The following RAP1B variants were observed in gnomAD, a reference collection of about 807,000 sequenced individuals.
The protein encoded by RAP1B is RAP1B, member of RAS oncogene family.
A neutral mutation model predicts 27.5 loss-of-function variants in RAP1B; 1 was observed. The ratio of observed to expected loss-of-function variants is 0.04; its 90% confidence interval spans 0.01 to 0.17. The LOEUF is 0.17. Among genes scored for constraint, RAP1B ranks in the 10% least tolerant of loss-of-function variants. The pLI is 1.00. For synonymous variants in RAP1B, 75 were observed against 73.1 expected (o/e 1.03, Z -0.13); for missense variants, 84 against 214.8 (o/e 0.39, Z 3.81).
At chr12:68,657,336 A>G (rs2135971105) in intron 7 of RAP1B, 119 bp downstream of exon 7, 2 of 626,840 alleles carry the variant, frequency 3.2e-6, no homozygotes, top group South Asian at 2.2e-5. Flanking sequence ...GTTTATTTTT[A>G]TAAGATATCC....
At position 68,650,469 on chromosome 12, in the gene RAP1B, G is replaced by T. The variant is rs1873735416; in HGVS notation, c.126+1G>T. 6.6e-7 allele frequency: 1 copy of T among 1,514,834 alleles called. No individual in the cohort carries two copies. Among genetic ancestry groups the T allele is most frequent in the African/African-American group, 1.4e-5 (1 of 70,066 alleles). The allele number at this position is 1,514,834 out of a possible 1,614,324, so 93.8% of individuals were successfully genotyped here. A position where few individuals can be genotyped will look rare whatever the true frequency, so the allele number is the denominator to read the frequency against. On this transcript the variant is annotated splice_donor_variant, in intron 3 of 7. Transcript: ENST00000250559. LOFTEE classifies it high-confidence loss of function. ...TACGATAGAAGATTCTTATAGAAAG[G>T]TATATATTACTTTGGAAGGCCTTTT...
At chr12:68,646,721 A>G (rs1230321579) in intron 1 of RAP1B, among the ~76,000 whole-genome samples, 2 of 152,262 alleles carry the variant, frequency 1.3e-5, no homozygotes, top group African/African-American at 2.4e-5. Context: ...TGGAGCAGCA[A>G]TAATGAACAG....
chr12:68,613,135 G>T (rs181677969), intron 1 of RAP1B, among the ~76,000 whole-genome samples: 22 of 152,156 alleles, frequency 1.4e-4, no homozygotes, highest in Admixed American at 5.9e-4. Flanking sequence ...CGAGGAAGGC[G>T]GATCATTTGA....
intron 1 of RAP1B, among the ~76,000 whole-genome samples, chr12:68,630,539 T>C (rs1872159339): frequency 6.6e-6 from 1 of 152,212 alleles, no homozygotes. Context: ...GTGTCTTCCA[T>C]ATTCCAGGCA....
chr12:68,651,579 C>T (rs574243300), intron 3 of RAP1B: 4 of 165,938 alleles, frequency 2.4e-5, no homozygotes, highest in Non-Finnish European at 4.0e-5. Context: ...ATGGTGAGGG[C>T]ATATAGTTAC....
rs1476503431 is a variant in RAP1B, at chr12:68,664,110, T to C, written c.*4861T>C. ...CCACATAAATGAGACAATCCAAATTTAGTATTTGGGTCAAAATGCAGGGTT... is the reference window on the plus strand; with the variant it reads ...CCACATAAATGAGACAATCCAAATTCAGTATTTGGGTCAAAATGCAGGGTT... On this transcript the variant is annotated 3_prime_UTR_variant, in exon 8 of 8. Coordinates refer to ENST00000250559, the MANE Select transcript of RAP1B (RefSeq NM_001010942.3). The C allele has an allele frequency of 6.6e-6, 1 of 152,184 alleles. No homozygotes were observed. Among genetic ancestry groups the C allele is most frequent in the East Asian group, 1.9e-4 (1 of 5,202 alleles). The allele number at this position is 152,184 out of a possible 1,614,324, so 9.4% of individuals were successfully genotyped here. A position where few individuals can be genotyped will look rare whatever the true frequency, so the allele number is the denominator to read the frequency against.
intron 5 of RAP1B, among the ~76,000 whole-genome samples, chr12:68,654,599 T>C (rs1204106243): frequency 6.6e-6 from 1 of 151,534 alleles, no homozygotes; most frequent in Non-Finnish European, 1.5e-5. Flanking sequence ...TGCCTCAGCC[T>C]CCCGGGTAGC....
chr12:68,639,751 A>G (rs1184392690), intron 1 of RAP1B, among the ~76,000 whole-genome samples: 1 of 152,192 alleles, frequency 6.6e-6, no homozygotes, highest in Non-Finnish European at 1.5e-5. Flanking sequence ...AATCCCATTT[A>G]TGCCCCTTTT....
intron 4 of RAP1B, among the ~76,000 whole-genome samples, chr12:68,653,559 G>A (rs1873971967): frequency 6.6e-6 from 1 of 151,994 alleles, no homozygotes; most frequent in South Asian, 2.1e-4. Context: ...GTAACTTTTG[G>A]GGACAGGATA....
chr12:68,655,076 C>A (rs1014865881), intron 5 of RAP1B, among the ~76,000 whole-genome samples: 1 of 151,966 alleles, frequency 6.6e-6, no homozygotes, highest in African/African-American at 2.4e-5. Context: ...TTTGGGAGGC[C>A]AAGGCGGGTA....
rs569287485 is a variant in RAP1B, at chr12:68,660,623, G to A, written c.*1374G>A. The A allele has an allele frequency of 6.6e-6, 1 of 152,554 alleles. No individual in the cohort carries two copies. Among genetic ancestry groups the A allele is most frequent in the Admixed American group, 6.5e-5 (1 of 15,282 alleles). The allele number at this position is 152,554 out of a possible 1,614,324, so 9.5% of individuals were successfully genotyped here. On this transcript the variant is annotated 3_prime_UTR_variant, in exon 8 of 8. Coordinates refer to ENST00000250559, the MANE Select transcript of RAP1B (RefSeq NM_001010942.3). ...AATTGTAATAGGTGCATTTTACACA[G>A]CATGGTTTCATAATTTAACATCTGG... is the stretch of plus-strand genomic sequence containing the variant.
At position 68,663,909 on chromosome 12, in the gene RAP1B, A is replaced by G. The variant is rs1251696002; in HGVS notation, c.*4660A>G. On this transcript the variant is annotated 3_prime_UTR_variant, in exon 8 of 8. Transcript: ENST00000250559. ...TGTTAAACTTTCTAAGAGCTTTCCA[A>G]CTTTCTAAGAGAAAATTGTAATGAT... The G allele has an allele frequency of 1.3e-5, 2 of 152,310 alleles. No individual in the cohort carries two copies. Among genetic ancestry groups the G allele is most frequent in the East Asian group, 1.9e-4 (1 of 5,188 alleles). The allele number at this position is 152,310 out of a possible 1,614,324, so 9.4% of individuals were successfully genotyped here.
At chr12:68,631,183 C>T (rs967557350) in intron 1 of RAP1B, among the ~76,000 whole-genome samples, 2 of 152,146 alleles carry the variant, frequency 1.3e-5, no homozygotes, top group Non-Finnish European at 2.9e-5. Context: ...GATACCTACC[C>T]TGGCTGCACA....
chr12:68,616,859 C>T (rs1370910618), intron 1 of RAP1B, among the ~76,000 whole-genome samples: 2 of 152,196 alleles, frequency 1.3e-5, no homozygotes, highest in Non-Finnish European at 2.9e-5. Context: ...GCCACTGTGC[C>T]TGGCCCAGCA....
intron 1 of RAP1B, among the ~76,000 whole-genome samples, chr12:68,628,802 C>G (rs1270106025): frequency 6.6e-6 from 1 of 152,172 alleles, no homozygotes; most frequent in African/African-American, 2.4e-5. Flanking sequence ...TACAGTTACA[C>G]TAACCACATT....
At chr12:68,626,724 G>A (rs907840957) in intron 1 of RAP1B, 9 of 680,970 alleles carry the variant, frequency 1.3e-5, no homozygotes, top group East Asian at 3.6e-5. Flanking sequence ...TTCTGGTCTC[G>A]GGTAAAGGTC....
rs562694704 is a variant in RAP1B, at chr12:68,627,235, A to T, written c.-27+16192A>T. On this transcript the variant is annotated intron_variant, in intron 1 of 7. Transcript: ENST00000250559. The stretch of plus-strand genomic sequence containing the variant: ...GAAACATGAACATCCATCTGAAAGG[A>T]CTGTCTCCAGGGTCCCTTAGAGCAA... The T allele has an allele frequency of 5.8e-6, 8 of 1,378,956 alleles. No individual in the cohort carries two copies. The South Asian group carries it at 8.1e-5, about 14-fold the overall frequency. The allele number at this position is 1,378,956 out of a possible 1,614,324, so 85.4% of individuals were successfully genotyped here. A position where few individuals can be genotyped will look rare whatever the true frequency, so the allele number is the denominator to read the frequency against.
At chr12:68,643,010 G>C (rs143887808) in intron 1 of RAP1B, 1 of 781,702 alleles carries the variant, frequency 1.3e-6, no homozygotes, top group African/African-American at 1.7e-5. Flanking sequence ...ATTCTTCACC[G>C]ACCCTGGCTG....
intron 1 of RAP1B, among the ~76,000 whole-genome samples, chr12:68,633,776 A>AG (rs1443642710): frequency 6.6e-6 from 1 of 152,226 alleles, no homozygotes; most frequent in African/African-American, 2.4e-5. Context: ...AGGTTGAGGC[A>AG]GGAGAATCAC....
Sources: gnomAD v4.1 joint callset for allele counts (sites outside exome capture counted in the v4.1 genomes callset) on GRCh38, gnomAD v4.1.1 for gene constraint, MANE v1.5 for transcripts, NCBI Gene and HGNC (gene_info 2026-07-23, HGNC 2026-07-21) for gene names.